The following CARM1 variants were observed in gnomAD, a reference collection of about 807,000 sequenced individuals.
CARM1 encodes the protein histone-arginine methyltransferase CARM1.
A neutral mutation model predicts 72.7 loss-of-function variants in CARM1; 14 were observed. The observed-to-expected ratio is 0.19, with a 90% CI of 0.13 to 0.30. The LOEUF (loss-of-function observed/expected upper bound fraction) is 0.30. CARM1 is among the 10% of genes least tolerant of loss of function. The probability of loss-of-function intolerance (pLI) is 1.00; values close to 1 mark genes in which losing one functional copy is unlikely to be tolerated. For missense variants in CARM1, 432 were observed against 833.7 expected, an observed-to-expected ratio of 0.52 and a Z score of 5.93; for synonymous variants, 333 against 345.5, an observed-to-expected ratio of 0.96 and a Z score of 0.40.
chr19:10,871,751 T>C lies in CARM1; in HGVS notation c.49T>C (p.Ser17Pro), dbSNP rs1046965708. 17 of 1,074,850 alleles carry C rather than the reference T, an allele frequency of 1.6e-5. No individual in the cohort carries two copies. The highest frequency in any genetic ancestry group is 1.9e-5 in the Non-Finnish European group (17 of 889,236). The allele number at this position is 1,074,850 out of a possible 1,614,324, so 66.6% of individuals were successfully genotyped here. A position where few individuals can be genotyped will look rare whatever the true frequency, so the allele number is the denominator to read the frequency against. Residue 17 changes from serine to proline, a missense_variant, in exon 1 of 16, where the codon TCG becomes CCG. Physicochemically the swap from Ser to Pro is moderately conservative, Grantham distance 74. This residue lies in a region of CARM1 where 138 missense variants were observed against 192.3 expected (regional missense o/e 0.72). Coordinates refer to ENST00000327064, the MANE Select transcript of CARM1 (RefSeq NM_199141.2). This position sits in a 1 kb window ranked among gnomAD's most constrained non-coding sequence, Gnocchi z 5.6. ...AVGPGAGGAG[S>P]AVPGGAGPCA... ...GGGGCCGGGCGCGGGCGGCGCGGGG[T>C]CGGCGGTCCCGGGCGGCGCGGGGCC...
In CARM1 at chr19:10,912,235, C is replaced by A; in HGVS notation, c.610C>A (p.Gln204Lys). 6.2e-7 allele frequency: 1 copy of A among 1,614,094 alleles called. No homozygotes were observed. The highest frequency in any genetic ancestry group is 8.5e-7 in the Non-Finnish European group (1 of 1,179,976). ...GSGILSFFAA[Q>K]AGARKIYAVE... is the part of the protein sequence containing the mutation. ...TGGGATCCTGTCGTTTTTTGCCGCC[C>A]AAGCTGGAGCACGGAAAATCTACGC... Residue 204 changes from glutamine to lysine, a missense_variant, in exon 5 of 16, where the codon CAA becomes AAA. By Grantham distance (53) the Gln-to-Lys change is moderately conservative. Transcript: ENST00000327064. The surrounding 1 kb of genome is among the most constrained non-coding windows in gnomAD (Gnocchi z 4.5).
Position 10,873,624 on chromosome 19 carries a change from G to GTTTTTT in CARM1, c.220+1730_220+1735dup, listed in dbSNP as rs1169565864. Among the ~76,000 whole-genome samples, 359 of 47,372 alleles carry GTTTTTT rather than the reference G, an allele frequency of 7.6e-3. 13 individuals are homozygous for GTTTTTT. Among genetic ancestry groups the GTTTTTT allele is most frequent in the East Asian group, 8.8e-3 (10 of 1,136 alleles). The allele number at this position is 47,372 out of a possible 152,430, so 31.1% of individuals were successfully genotyped here. A position where few individuals can be genotyped will look rare whatever the true frequency, so the allele number is the denominator to read the frequency against. On this transcript the variant is annotated intron_variant, in intron 1 of 15. Transcript: ENST00000327064. ...TTTTTTTTAGAACAATTTTAGTTTA[G>GTTTTTT]TTTTTTTTTTTTTTTTTTTTTTTTT...
At chr19:10,895,436 C>A (rs2074017192) in intron 1 of CARM1, among the ~76,000 whole-genome samples, 1 of 152,214 alleles carries the variant, frequency 6.6e-6, no homozygotes, top group Non-Finnish European at 1.5e-5. Flanking sequence ...GACTCCAGGT[C>A]CCCCTGACCC....
intron 13 of CARM1, 42 bp from the exon 14 acceptor site, chr19:10,921,008 C>G (rs756951590): frequency 2.5e-6 from 4 of 1,611,004 alleles, no homozygotes; most frequent in Non-Finnish European, 3.4e-6. Context: ...GCAGGCCTGG[C>G]CCCTCTGCCT....
rs1377182579 is a variant in CARM1 at position 10,908,993 on chromosome 19, G to A, written c.454-110G>A. On this transcript the variant is annotated intron_variant, in intron 3 of 15. Coordinates refer to ENST00000327064, the MANE Select transcript of CARM1 (RefSeq NM_199141.2). The stretch of plus-strand genomic sequence containing the variant: ...CCAGGCAGAGGGTGCACGACCTCCC[G>A]AGGGAGGTTTGTGCCCTAGATGGCC... 9.3e-6 allele frequency: 7 copies of A among 751,554 alleles called. 1 individual carries two copies. The highest frequency in any genetic ancestry group is 7.9e-5 in the East Asian group (3 of 38,052). The allele number at this position is 751,554 out of a possible 1,614,324, so 46.6% of individuals were successfully genotyped here.
At position 10,898,814 on chromosome 19, in the gene CARM1, G is replaced by A. The variant is rs146804509; in HGVS notation, c.221-6137G>A. On this transcript the variant is annotated intron_variant, in intron 1 of 15. Transcript: ENST00000327064. ...TCAGAGGTGACCCTGGGCCAGGTGT[G>A]CGATGGCCCACTGGACCCATAGTAG... Among the ~76,000 whole-genome samples, 371 of 152,324 alleles carry A rather than the reference G, an allele frequency of 2.4e-3. 2 individuals carry two copies. The highest frequency in any genetic ancestry group is 0.017 in the Middle Eastern group (5 of 294).
intron 1 of CARM1, among the ~76,000 whole-genome samples, chr19:10,888,867 C>T (rs929186330): frequency 6.6e-6 from 1 of 152,210 alleles, no homozygotes. Context: ...TTGTCTTGGC[C>T]TTCTATTCTT....
intron 6 of CARM1, 125 bp downstream of exon 6, chr19:10,914,179 T>A: frequency 1.0e-6 from 1 of 989,006 alleles, no homozygotes; most frequent in African/African-American, 1.7e-5. Context: ...AAGCCTGGGC[T>A]TTTCCCCCGC....
intron 6 of CARM1, among the ~76,000 whole-genome samples, chr19:10,914,902 C>T (rs2074183152): frequency 6.6e-6 from 1 of 152,306 alleles, no homozygotes; most frequent in South Asian, 2.1e-4. Flanking sequence ...TCTGTGCAGC[C>T]CTGACGCCTG....
At chr19:10,919,382 T>G (rs182032318) in intron 8 of CARM1, 8 of 545,340 alleles carry the variant, frequency 1.5e-5, no homozygotes, top group African/African-American at 1.1e-4. Context: ...AAATCTTTTA[T>G]GTGGATAAAC....
intron 1 of CARM1, among the ~76,000 whole-genome samples, chr19:10,883,998 A>G (rs2073921249): frequency 6.8e-6 from 1 of 146,238 alleles, no homozygotes; most frequent in Non-Finnish European, 1.5e-5. Context: ...GGCCTGGGTG[A>G]CAGAGCGAGA....
chr19:10,884,756 G>C (rs1397006013), intron 1 of CARM1, among the ~76,000 whole-genome samples: 1 of 152,126 alleles, frequency 6.6e-6, no homozygotes, highest in South Asian at 2.1e-4. Context: ...CCAGGCTGGA[G>C]TGCAGTAGCG....
At chr19:10,900,108 A>G (rs965029811) in intron 1 of CARM1, among the ~76,000 whole-genome samples, 1 of 152,152 alleles carries the variant, frequency 6.6e-6, no homozygotes, top group Non-Finnish European at 1.5e-5. Flanking sequence ...CAGGAGTTTC[A>G]GACTAGCCTG....
chr19:10,873,639 T>G (rs1350863411), intron 1 of CARM1, among the ~76,000 whole-genome samples: 3 of 121,192 alleles, frequency 2.5e-5, no homozygotes, highest in Middle Eastern at 3.6e-3. Context: ...TTTTTTTTTT[T>G]TTTTTTTTTT....
Position 10,920,458 on chromosome 19 carries a change from G to A in CARM1, c.1219G>A (p.Ala407Thr). The A allele has an allele frequency of 6.2e-7, 1 of 1,613,076 alleles. No individual in the cohort carries two copies. Among genetic ancestry groups the A allele is most frequent in the Non-Finnish European group, 8.5e-7 (1 of 1,179,274 alleles). ...GSIMTVWLST[A>T]PTEPLTHWYQ... is the part of the protein sequence containing the mutation. ...CAGAATGACCGTGTGGCTGTCCACA[G>A]CCCCGACAGAGCCCCTGACCCACTG... The change falls in exon 11 of 16, where the codon GCC becomes ACC. Residue 407 changes from alanine (A) to threonine (T), a missense_variant. Ala to Thr is a moderately conservative substitution (Grantham distance 58). Coordinates refer to ENST00000327064, the MANE Select transcript of CARM1 (RefSeq NM_199141.2). The surrounding 1 kb of genome is among the most constrained non-coding windows in gnomAD (Gnocchi z 5.3).
chr19:10,919,571 C>T (rs1397613015), intron 8 of CARM1, 24 bp from the exon 9 acceptor site: 12 of 1,578,196 alleles, frequency 7.6e-6, no homozygotes, highest in South Asian at 4.4e-5. Flanking sequence ...TCAGATGCCA[C>T]GTCACACCTG....
At position 10,877,080 on chromosome 19, in the gene CARM1, A is replaced by G. The variant is rs377502587; in HGVS notation, c.220+5158A>G. ...GGTGAAGAATGGCCTGCTGTCACCG[A>G]ACCAGGGGCCCTTGTGACTTCCTTT... On this transcript the variant is annotated intron_variant, in intron 1 of 15. Transcript: ENST00000327064. 2.3e-4 allele frequency among the ~76,000 whole-genome samples: 35 copies of G among 152,294 alleles called. 1 individual carries two copies. The highest frequency in any genetic ancestry group is 7.7e-4 in the African/African-American group (32 of 41,560).
chr19:10,899,668 C>T (rs1375283526), intron 1 of CARM1, among the ~76,000 whole-genome samples: 1 of 151,854 alleles, frequency 6.6e-6, no homozygotes, highest in Non-Finnish European at 1.5e-5. Flanking sequence ...GGTCTCATAT[C>T]TGTAGGCCCT....
intron 1 of CARM1, among the ~76,000 whole-genome samples, chr19:10,873,740 C>T (rs966788833): frequency 1.4e-4 from 20 of 141,454 alleles, no homozygotes; most frequent in African/African-American, 4.7e-4. Context: ...CCTGGGTTCA[C>T]GCCATTCTCC....
Sources: gnomAD v4.1 joint callset for allele counts (sites outside exome capture counted in the v4.1 genomes callset) on GRCh38, gnomAD v4.1.1 for gene constraint, gnomAD v4.1.1 regional missense constraint, Gnocchi (gnomAD v3.1) non-coding constraint, MANE v1.5 for transcripts, NCBI Gene and HGNC (gene_info 2026-07-23, HGNC 2026-07-21) for gene names.